The following MOK variants were observed in gnomAD, a reference collection of about 807,000 sequenced individuals.
MOK encodes MAPK/MAK/MRK overlapping kinase.
Under a neutral mutation model 54.2 loss-of-function variants are expected in MOK, and 59 were observed. The ratio of observed to expected loss-of-function variants is 1.09; its 90% CI spans 0.88 to 1.35. The LOEUF (loss-of-function observed/expected upper bound fraction) is 1.35, where lower values mean the gene tolerates loss of function less well. Among genes scored for constraint, MOK ranks in the 40% most tolerant of loss-of-function variants. The pLI, the probability that MOK is intolerant of heterozygous loss-of-function variation, is 0.00. For missense variants in MOK, 517 were observed against 526.2 expected, an observed-to-expected ratio of 0.98 and a Z score of 0.17; for synonymous variants, 210 against 202.7, an observed-to-expected ratio of 1.04 and a Z score of -0.31.
intron 7 of MOK, among the ~76,000 whole-genome samples, chr14:102,242,216 C>T (rs2065777443): frequency 6.6e-6 from 1 of 152,182 alleles, no homozygotes; most frequent in African/African-American, 2.4e-5. Context: ...AGCTTACCCA[C>T]TCCACATTAC....
Position 102,231,058 on chromosome 14 carries a change from G to A in MOK, c.981+649C>T, listed in dbSNP as rs2064655798. The A allele has an allele frequency of 6.6e-6, 1 of 152,278 alleles. No homozygotes were observed. The highest frequency in any genetic ancestry group is 1.5e-5 in the Non-Finnish European group (1 of 68,102). The allele number at this position is 152,278 out of a possible 1,614,324, so 9.4% of individuals were successfully genotyped here. A position where few individuals can be genotyped will look rare whatever the true frequency, so the allele number is the denominator to read the frequency against. On this transcript the variant is annotated intron_variant, in intron 10 of 11. Coordinates refer to ENST00000361847, the MANE Select transcript of MOK (RefSeq NM_014226.3). This position sits in a 1 kb window ranked among gnomAD's most constrained non-coding sequence, Gnocchi z 4.4. ...CGTACGGACGACCGAACAGACGAAT[G>A]ATGGAAGGGCACACTGTCACACTGT...
At chr14:102,227,845 G>A (rs1177996542), downstream of MOK, among the ~76,000 whole-genome samples, 3 of 152,208 alleles carry the variant, frequency 2.0e-5, no homozygotes, top group Non-Finnish European at 4.4e-5. Flanking sequence ...CTGGGGCCAG[G>A]ACCACTGGAG....
chr14:102,262,940 AG>A (rs2067594951), intron 4 of MOK, among the ~76,000 whole-genome samples: 1 of 152,240 alleles, frequency 6.6e-6, no homozygotes, highest in African/African-American at 2.4e-5. Flanking sequence ...TCAGACCCCC[AG>A]GAACAATTGG....
intron 4 of MOK, among the ~76,000 whole-genome samples, chr14:102,260,134 C>A (rs1237116945): frequency 6.6e-6 from 1 of 151,308 alleles, no homozygotes; most frequent in African/African-American, 2.4e-5. Flanking sequence ...CGAGATCATG[C>A]CATTGCACTC....
the MOK span, among the ~76,000 whole-genome samples, chr14:102,217,596 G>C: frequency 2.0e-5 from 3 of 146,818 alleles, no homozygotes; most frequent in South Asian, 6.3e-4. Flanking sequence ...GATGGGTCCC[G>C]ACGTCCCTGG....
In MOK at chr14:102,250,900, G is replaced by A. The variant is rs772195338; in HGVS notation, c.502C>T (p.Arg168Trp). The A allele has an allele frequency of 2.0e-5, 33 of 1,613,976 alleles. No homozygotes were observed. Among genetic ancestry groups the A allele is most frequent in the South Asian group, 3.3e-5 (3 of 91,086 alleles). The change falls in exon 7 of 12, where the codon CGG becomes TGG. Residue 168 changes from arginine to tryptophan, a missense_variant. By Grantham distance (101) the Arg-to-Trp change is moderately radical. Transcript: ENST00000361847. Reference sequence around the variant, plus strand: ...TCAGTGAGGAGACACTCCGGGGCCCGGTACCAGCGGGTGGAGATGTATTCC... The same window carrying A: ...TCAGTGAGGAGACACTCCGGGGCCCAGTACCAGCGGGTGGAGATGTATTCC... ...YTEYISTRWY[R>W]APECLLTDGF...
intron 2 of MOK, among the ~76,000 whole-genome samples, chr14:102,267,141 G>T (rs961345528): frequency 6.6e-6 from 1 of 152,160 alleles, no homozygotes; most frequent in Non-Finnish European, 1.5e-5. Context: ...GGCTCCAAAA[G>T]GAACTAATTG....
At position 102,232,695 on chromosome 14, in the gene MOK, T is replaced by A; in HGVS notation, c.706A>T (p.Asn236Tyr). The change falls in exon 9 of 12, where the codon AAT becomes TAT. Residue 236 changes from asparagine to tyrosine, a missense_variant. By Grantham distance (143) the Asn-to-Tyr change is moderately radical. Transcript: ENST00000361847. This position sits in a 1 kb window ranked among gnomAD's most constrained non-coding sequence, Gnocchi z 5.1. ...CCCTTTTTAAAAGGAAAATCAAAATTCATAGCTCTCGACCTGTATTAAAAA... is the reference window on the plus strand; with the variant it reads ...CCCTTTTTAAAAGGAAAATCAAAATACATAGCTCTCGACCTGTATTAAAAA... ...LTKFKQSRAM[N>Y]FDFPFKKGSG... The A allele has an allele frequency of 6.2e-7, 1 of 1,613,606 alleles. No homozygotes were observed. The highest frequency in any genetic ancestry group is 1.1e-5 in the South Asian group (1 of 91,024).
intron 1 of MOK, among the ~76,000 whole-genome samples, chr14:102,300,281 G>A (rs888944877): frequency 2.2e-5 from 3 of 137,234 alleles, no homozygotes; most frequent in East Asian, 2.1e-4. Flanking sequence ...CCGAGATCGC[G>A]CCATTGGACT....
downstream of MOK, among the ~76,000 whole-genome samples, chr14:102,222,315 G>A (rs1018117645): frequency 1.3e-5 from 2 of 152,318 alleles, no homozygotes; most frequent in East Asian, 1.9e-4. The surrounding 1 kb of genome is among the most constrained non-coding windows in gnomAD (Gnocchi z 4.4). Flanking sequence ...CAGCCAGGGG[G>A]TGCCACGGTC....
At chr14:102,261,329 G>A (rs1438936321) in intron 4 of MOK, among the ~76,000 whole-genome samples, 6 of 118,058 alleles carry the variant, frequency 5.1e-5, no homozygotes, top group African/African-American at 2.0e-4. Context: ...TGAGGCAGTA[G>A]AATCTCTTGA....
At position 102,250,931 on chromosome 14, in the gene MOK, C is replaced by T. The variant is rs776209680; in HGVS notation, c.471G>A (p.Pro157=). The change falls in exon 7 of 12, where the codon CCG becomes CCA. Residue 157 remains proline, a synonymous_variant. Transcript: ENST00000361847. ...GSCRSVYSKQ[P]YTEYISTRWY... is the part of the protein sequence containing the mutation. ...AGCGGGTGGAGATGTATTCCGTGTA[C>T]GGCTGCTTGGAATAGACACTCCGGC... 5.6e-6 allele frequency: 9 copies of T among 1,613,964 alleles called. No individual in the cohort carries two copies. The Admixed American group carries it at 6.7e-5, about 12-fold the overall frequency.
rs1411609614 is a variant in MOK at position 102,229,451 on chromosome 14, C to T, written c.1182+6G>A. The T allele has an allele frequency of 6.2e-7, 1 of 1,614,206 alleles. No individual in the cohort carries two copies. Among genetic ancestry groups the T allele is most frequent in the Non-Finnish European group, 8.5e-7 (1 of 1,180,036 alleles). On this transcript the variant is annotated splice_donor_region_variant and intron_variant, in intron 11 of 11. Coordinates refer to ENST00000361847, the MANE Select transcript of MOK (RefSeq NM_014226.3). ...AGCGCCGTCAGAGAAGCTGGTTCCG[C>T]GCTACCTTCTTGCTCGCAGGGATGC...
chr14:102,218,699 C>T, the MOK span, among the ~76,000 whole-genome samples: 1 of 152,030 alleles, frequency 6.6e-6, no homozygotes, highest in African/African-American at 2.4e-5. Flanking sequence ...AACAGTGACT[C>T]TGCGGGGAGC....
Position 102,231,914 on chromosome 14 carries a change from G to T in MOK, c.867-93C>A. 2 of 1,023,742 alleles carry T rather than the reference G, an allele frequency of 2.0e-6. No homozygotes were observed. Among genetic ancestry groups the T allele is most frequent in the African/African-American group, 1.6e-5 (1 of 62,404 alleles). 63.4% of individuals were successfully genotyped at this position (1,023,742 alleles called of 1,614,324 possible). On this transcript the variant is annotated intron_variant, in intron 9 of 11. Transcript: ENST00000361847. The surrounding 1 kb of genome is among the most constrained non-coding windows in gnomAD (Gnocchi z 4.4). Reference sequence around the variant, plus strand: ...TCTTTGTCTCCAATTTGTCTACTGTGTGAGTTGTCACTAGCTCTTCTTTTC... The same window carrying T: ...TCTTTGTCTCCAATTTGTCTACTGTTTGAGTTGTCACTAGCTCTTCTTTTC...
In MOK at chr14:102,265,887, CTCGTAGGTTGTTGACTTGCTCAATACTA is replaced by C; in HGVS notation, c.123-3_147del. 1 of 1,613,772 alleles carries C rather than the reference CTCGTAGGTTGTTGACTTGCTCAATACTA, an allele frequency of 6.2e-7. No individual in the cohort carries two copies. The highest frequency in any genetic ancestry group is 8.5e-7 in the Non-Finnish European group (1 of 1,179,766). ...TTCAGGCGCCTCAGTGCTTGGATCT[CTCGTAGGTTGTTGACTTGCTCAATACTA>C]TCGTGTAGGTAAAAATGGATAGCTC... is the stretch of plus-strand genomic sequence containing the variant. On this transcript the variant is annotated splice_acceptor_variant and splice_polypyrimidine_tract_variant and coding_sequence_variant and intron_variant, in exon 3 of 12. Coordinates refer to ENST00000361847, the MANE Select transcript of MOK (RefSeq NM_014226.3). LOFTEE classifies it high-confidence loss of function.
chr14:102,275,995 TAAATGAAGATACATG>T (rs1216998416), intron 2 of MOK, among the ~76,000 whole-genome samples: 3 of 152,188 alleles, frequency 2.0e-5, no homozygotes, highest in Non-Finnish European at 4.4e-5. Flanking sequence ...AGGCAATTCA[TAAATGAAGATACATG>T]AATGGCCAAT....
chr14:102,297,924 C>T (rs1009945470), intron 1 of MOK, among the ~76,000 whole-genome samples: 14 of 152,210 alleles, frequency 9.2e-5, no homozygotes, highest in African/African-American at 3.4e-4. Context: ...CTGCTACCCA[C>T]GAGGCAGGGC....
At position 102,231,865 on chromosome 14, in the gene MOK, C is replaced by G; in HGVS notation, c.867-44G>C. On this transcript the variant is annotated intron_variant, in intron 9 of 11. Transcript: ENST00000361847. The surrounding 1 kb of genome is among the most constrained non-coding windows in gnomAD (Gnocchi z 4.4). ...GAATGGAGCAGCTCCACTGAGAGCC[C>G]GCAGAGCACACGGCCTACTGGCTTC... The G allele has an allele frequency of 6.5e-7, 1 of 1,532,992 alleles. No homozygotes were observed. Among genetic ancestry groups the G allele is most frequent in the Non-Finnish European group, 9.0e-7 (1 of 1,110,950 alleles). The allele number at this position is 1,532,992 out of a possible 1,614,324, so 95.0% of individuals were successfully genotyped here.
Sources: gnomAD v4.1 joint callset for allele counts (sites outside exome capture counted in the v4.1 genomes callset) on GRCh38, gnomAD v4.1.1 for gene constraint, Gnocchi (gnomAD v3.1) non-coding constraint, MANE v1.5 for transcripts, NCBI Gene and HGNC (gene_info 2026-07-23, HGNC 2026-07-21) for gene names.